PAK3: variants seen among roughly 807,000 people sequenced by gnomAD.
PAK3 encodes the protein p21 (RAC1) activated kinase 3, also known as serine/threonine-protein kinase PAK 3.
PAK3 carries 4 observed loss-of-function variants against 41.0 expected under a neutral mutation model. The observed-to-expected ratio is 0.10, with a 90% confidence interval of 0.05 to 0.22. The LOEUF (loss-of-function observed/expected upper bound fraction) is 0.22. Ranked by LOEUF, PAK3 falls within the 10% of genes least tolerant of loss-of-function variation. The pLI is 1.00. For missense variants in PAK3, 205 were observed against 409.9 expected (o/e 0.50, Z 4.32); for synonymous variants, 146 against 139.6 (o/e 1.05, Z -0.32).
chrX:111,100,975 G>A (rs1186654597), intron 3 of PAK3, among the ~76,000 whole-genome samples: 2 of 112,143 alleles, frequency 1.8e-5, no homozygotes, highest in African/African-American at 6.5e-5. Flanking sequence ...CACACAACAT[G>A]GCATAAAGAT....
chrX:111,093,904 G>A (rs888255465), upstream of PAK3, among the ~76,000 whole-genome samples: 3 of 112,209 alleles, frequency 2.7e-5, no homozygotes, highest in African/African-American at 9.7e-5. Context: ...TAAATCATTA[G>A]CCAGGAAAAT....
At chrX:111,214,538 A>C (rs1210586017) in intron 16 of PAK3, among the ~76,000 whole-genome samples, 1 of 111,972 alleles carries the variant, frequency 8.9e-6, no homozygotes. Flanking sequence ...TGGAACCAGC[A>C]GCTTCAACAT....
At chrX:111,055,564 T>C (rs763209672) in intron 1 of PAK3, among the ~76,000 whole-genome samples, 4 of 112,192 alleles carry the variant, frequency 3.6e-5, no homozygotes, top group Non-Finnish European at 7.5e-5. Context: ...AAGTCCAAAA[T>C]CCCTTCTTCC....
intron 11 of PAK3, among the ~76,000 whole-genome samples, chrX:111,174,700 T>A (rs1361532365): frequency 8.9e-6 from 1 of 111,739 alleles, no homozygotes; most frequent in Non-Finnish European, 1.9e-5. Context: ...TGAATTTATG[T>A]GAACTCATTT....
At chrX:111,049,881 G>A (rs1332455715) in intron 1 of PAK3, among the ~76,000 whole-genome samples, 2 of 111,458 alleles carry the variant, frequency 1.8e-5, no homozygotes, top group African/African-American at 6.5e-5. Context: ...TATAGAACAT[G>A]CTGATTTTTA....
chrX:110,949,828 G>T (rs1186730622), intron 1 of PAK3, among the ~76,000 whole-genome samples: 1 of 111,823 alleles, frequency 8.9e-6, no homozygotes, highest in Non-Finnish European at 1.9e-5. Flanking sequence ...AAAGTGAAGT[G>T]GGGAAGCTAG....
Position 111,192,632 on chromosome X carries a change from C to G in PAK3, c.992+14C>G, listed in dbSNP as rs1569456818. ...TTATTTAGATAGGTAAGTGTTTTGT[C>G]TTATTATGTACTTATATTCTTTGTG... On this transcript the variant is annotated intron_variant, in intron 13 of 17. Transcript: ENST00000372007. The G allele has an allele frequency of 6.6e-6, 5 of 755,767 alleles. No individual in the cohort carries two copies. In the East Asian group the frequency reaches 1.6e-4, roughly 24 times the overall value. The allele number at this position is 755,767 out of a possible 1,213,427, so 62.3% of individuals were successfully genotyped here.
At chrX:111,193,835 C>A (rs1209169115) in intron 13 of PAK3, among the ~76,000 whole-genome samples, 1 of 111,629 alleles carries the variant, frequency 9.0e-6, no homozygotes, top group African/African-American at 3.3e-5. Context: ...GAATTCTAGG[C>A]TGCTTTCCAT....
chrX:111,014,249 A>G (rs935896299), intron 1 of PAK3, among the ~76,000 whole-genome samples: 11 of 111,822 alleles, frequency 9.8e-5, no homozygotes, highest in African/African-American at 3.6e-4. Context: ...TCGGCTTTCC[A>G]CTGCCTGTTG....
chrX:111,180,914 A>G (rs986419650), intron 11 of PAK3, among the ~76,000 whole-genome samples: 1 of 112,056 alleles, frequency 8.9e-6, no homozygotes, highest in Non-Finnish European at 1.9e-5. Context: ...TCATTAGAAT[A>G]GATTCCTAAA....
intron 1 of PAK3, among the ~76,000 whole-genome samples, chrX:111,051,917 G>T (rs1003330851): frequency 1.8e-5 from 2 of 112,300 alleles, no homozygotes; most frequent in Non-Finnish European, 3.8e-5. Flanking sequence ...CAAGGGAATG[G>T]TTGATCTTCC....
intron 11 of PAK3, among the ~76,000 whole-genome samples, chrX:111,186,628 C>G (rs1351549508): frequency 1.8e-5 from 2 of 111,205 alleles, no homozygotes; most frequent in Non-Finnish European, 3.8e-5. Flanking sequence ...CTTAAGAAAA[C>G]AAGAGAGGAC....
intron 16 of PAK3, among the ~76,000 whole-genome samples, chrX:111,205,271 G>C (rs761846187): frequency 9.0e-6 from 1 of 110,756 alleles, no homozygotes; most frequent in African/African-American, 3.3e-5. Context: ...GGTTCCACCA[G>C]AATAGTTCCT....
intron 1 of PAK3, among the ~76,000 whole-genome samples, chrX:111,082,479 C>T (rs1025533688): frequency 1.8e-5 from 2 of 111,288 alleles, no homozygotes; most frequent in Admixed American, 1.9e-4. Context: ...ATGTAGACAC[C>T]AAGTGGGTCT....
rs1284157329 is a variant in PAK3 at position 111,194,619 on chromosome X, A to G, written c.1110+201A>G. ...CCCTCCTGAGCCTCTTGTTTATTTT[A>G]GCTGCCTTTTGTGAATCTTTTAGTT... is the stretch of plus-strand genomic sequence containing the variant. On this transcript the variant is annotated intron_variant, in intron 14 of 17. Coordinates refer to ENST00000372007, the MANE Select transcript of PAK3 (RefSeq NM_002578.5). Among the ~76,000 whole-genome samples the G allele has an allele frequency of 3.6e-5, 4 of 111,641 alleles. No individual in the cohort carries two copies. The East Asian group carries it at 1.1e-3, about 31-fold the overall frequency.
intron 1 of PAK3, among the ~76,000 whole-genome samples, chrX:111,055,697 A>G (rs2092599070): frequency 8.9e-6 from 1 of 112,007 alleles, no homozygotes; most frequent in South Asian, 3.8e-4. Flanking sequence ...ATCTACATCA[A>G]CCATCAACGC....
chrX:111,070,257 AGC>A, intron 1 of PAK3, among the ~76,000 whole-genome samples: 1 of 10,636 alleles, frequency 9.4e-5, no homozygotes, highest in East Asian at 5.4e-3. Context: ...TATGGACAAC[AGC>A]TGAATTTGAT....
At chrX:111,147,482 C>CT (rs373106977) in intron 6 of PAK3, among the ~76,000 whole-genome samples, 8 of 106,932 alleles carry the variant, frequency 7.5e-5, no homozygotes, top group South Asian at 4.0e-4. Context: ...TTTTCATGCG[C>CT]TTTTTTTTTT....
At chrX:111,168,684 T>G (rs2094295814) in intron 10 of PAK3, among the ~76,000 whole-genome samples, 1 of 111,938 alleles carries the variant, frequency 8.9e-6, no homozygotes, top group Non-Finnish European at 1.9e-5. Flanking sequence ...AAAGGTTGAA[T>G]AATTTATTAC....
Sources: allele counts gnomAD v4.1 joint callset (sites outside exome capture counted in the v4.1 genomes callset), GRCh38; gene constraint gnomAD v4.1.1; transcripts MANE v1.5; gene names NCBI Gene and HGNC (gene_info 2026-07-23, HGNC 2026-07-21).